The following CDK15 variants were observed in gnomAD, a reference collection of about 807,000 sequenced individuals.
CDK15 encodes the protein cyclin-dependent kinase 15.
Under a neutral mutation model 60.3 loss-of-function variants are expected in CDK15, and 62 were observed. The observed-to-expected ratio is 1.03, with a 90% CI of 0.84 to 1.27. The LOEUF (loss-of-function observed/expected upper bound fraction) is 1.27, where lower values mean the gene tolerates loss of function less well. CDK15 is among the 50% of genes most tolerant of loss of function. The pLI is 0.00. For missense variants in CDK15, 541 were observed against 527.8 expected (o/e 1.03, Z -0.25); for synonymous variants, 194 against 195.7 (o/e 0.99, Z 0.07).
At chr2:201,836,053 A>ATT (rs1559126082) in intron 8 of CDK15, among the ~76,000 whole-genome samples, 27 of 10,920 alleles carry the variant, frequency 2.5e-3, no homozygotes, top group Admixed American at 0.02. Flanking sequence ...ATATTTATAT[A>ATT]TATATTATAT....
rs1460359142 is a variant in CDK15 at position 201,807,528 on chromosome 2, C to G, written c.158C>G (p.Thr53Ser). 1.2e-6 allele frequency: 2 copies of G among 1,614,026 alleles called. No individual in the cohort carries two copies. The highest frequency in any genetic ancestry group is 8.5e-7 in the Non-Finnish European group (1 of 1,180,022). The change falls in exon 2 of 14, where the codon ACT becomes AGT. Residue 53 changes from threonine to serine, a missense_variant. By Grantham distance (58) the Thr-to-Ser change is moderately conservative. Transcript: ENST00000652192. ...TDLKEASCSM[T>S]SFHPRGLQAA... is the part of the protein sequence containing the mutation. ...CTAAAAGAAGCATCATGTTCCATGA[C>G]TTCATTTCACCCCAGGGGACTTCAA... is the stretch of plus-strand genomic sequence containing the variant.
At chr2:201,823,760 G>A in intron 6 of CDK15, 33 bp downstream of exon 6, 3 of 1,589,010 alleles carry the variant, frequency 1.9e-6, no homozygotes, top group Non-Finnish European at 2.6e-6. Flanking sequence ...CCCTCTCCTG[G>A]CTTGCCCACA....
chr2:201,860,778 C>G (rs755577715), intron 10 of CDK15: 10 of 1,352,168 alleles, frequency 7.4e-6, no homozygotes, highest in Non-Finnish European at 7.8e-6. Flanking sequence ...ATACTGACAT[C>G]GGACAGCATC....
At chr2:201,861,418 T>G in intron 10 of CDK15, 1 of 985,508 alleles carries the variant, frequency 1.0e-6, no homozygotes, top group Non-Finnish European at 1.2e-6. Context: ...CTTTCATTAA[T>G]CATGTTGTAT....
chr2:201,859,084 G>T (rs1316089502), intron 10 of CDK15, among the ~76,000 whole-genome samples: 1 of 152,184 alleles, frequency 6.6e-6, no homozygotes, highest in South Asian at 2.1e-4. Context: ...CCGGGGCTGC[G>T]CGGGCCTCCT....
rs1310797688 is a variant in CDK15, at chr2:201,845,846, AGAG to A, written c.852-1534_852-1532del. On this transcript the variant is annotated intron_variant, in intron 8 of 13. Coordinates refer to ENST00000652192, the MANE Select transcript of CDK15 (RefSeq NM_001366386.2). ...AGAGGTTTGCGGTTAAAAAAAAAAAAGAGAGAGAGAGAGAGAGAGAAGTATGGG... is the reference window on the plus strand; with the variant it reads ...AGAGGTTTGCGGTTAAAAAAAAAAAAAGAGAGAGAGAGAGAGAAGTATGGG... 2.6e-4 allele frequency among the ~76,000 whole-genome samples: 15 copies of A among 57,882 alleles called. No homozygotes were observed. In the South Asian group the frequency reaches 7.7e-3, roughly 30 times the overall value. The allele number at this position is 57,882 out of a possible 152,430, so 38.0% of individuals were successfully genotyped here.
At chr2:201,876,877 A>C (rs1048952222) in intron 11 of CDK15, among the ~76,000 whole-genome samples, 2 of 152,140 alleles carry the variant, frequency 1.3e-5, no homozygotes, top group Non-Finnish European at 2.9e-5. Flanking sequence ...GGCTCACTGC[A>C]GCCTCGACCT....
intron 10 of CDK15, among the ~76,000 whole-genome samples, chr2:201,855,319 G>A (rs544338315): frequency 2.3e-4 from 35 of 152,310 alleles, no homozygotes; most frequent in African/African-American, 7.5e-4. Flanking sequence ...TAAAAAGAAA[G>A]CTAATGCAAC....
At chr2:201,878,997 T>C (rs1190387995) in intron 11 of CDK15, among the ~76,000 whole-genome samples, 2 of 152,220 alleles carry the variant, frequency 1.3e-5, no homozygotes, top group Non-Finnish European at 1.5e-5. Context: ...GTGTGATAAT[T>C]TGATGAACAT....
At chr2:201,824,693 A>G (rs1014951141) in intron 6 of CDK15, 16 of 395,302 alleles carry the variant, frequency 4.0e-5, no homozygotes, top group African/African-American at 3.4e-4. Flanking sequence ...GGAATGGTGA[A>G]CCCAAGAGCC....
At chr2:201,815,996 A>G (rs1406368532) in intron 4 of CDK15, among the ~76,000 whole-genome samples, 1 of 152,192 alleles carries the variant, frequency 6.6e-6, no homozygotes, top group Non-Finnish European at 1.5e-5. Flanking sequence ...AATCCCTTCT[A>G]CTTTATTATG....
rs997863043 is a variant in CDK15, at chr2:201,807,870, C to G, written c.286C>G (p.Pro96Ala). Residue 96 changes from proline (P) to alanine (A), a missense_variant, in exon 3 of 14, where the codon CCT (proline) becomes GCT (alanine). Pro to Ala is a conservative substitution (Grantham distance 27, BLOSUM62 -1). Transcript: ENST00000652192. ...RQGFQWRKSL[P>A]FGAASSYLNL... ...TCCCCTAGAGCAGAGGAAGAGCCTC[C>G]CTTTTGGGGCAGCCTCATCTTACTT... The G allele has an allele frequency of 6.2e-7, 1 of 1,613,784 alleles. No individual in the cohort carries two copies. The highest frequency in any genetic ancestry group is 8.5e-7 in the Non-Finnish European group (1 of 1,179,904).
chr2:201,834,907 A>G (rs1302225424), intron 7 of CDK15, among the ~76,000 whole-genome samples: 2 of 152,204 alleles, frequency 1.3e-5, no homozygotes, highest in East Asian at 3.9e-4. Context: ...AGTTTTTCCC[A>G]ACAATAGATC....
chr2:201,832,178 T>A (rs1696785706), intron 6 of CDK15, among the ~76,000 whole-genome samples: 1 of 152,046 alleles, frequency 6.6e-6, no homozygotes, highest in Non-Finnish European at 1.5e-5. Context: ...CCCGAGTAGC[T>A]GGGATTATAA....
chr2:201,840,571 G>T (rs913100276), intron 8 of CDK15, among the ~76,000 whole-genome samples: 1 of 147,684 alleles, frequency 6.8e-6, no homozygotes, highest in African/African-American at 2.7e-5. Context: ...TGTTTTGTTT[G>T]TGTGTGTGTA....
rs1401190918 is a variant in CDK15, at chr2:201,807,933, G to A, written c.349G>A (p.Val117Ile). 2 of 1,614,054 alleles carry A rather than the reference G, an allele frequency of 1.2e-6. No homozygotes were observed. Among genetic ancestry groups the A allele is most frequent in the Non-Finnish European group, 1.7e-6 (2 of 1,179,986 alleles). The change falls in exon 3 of 14, where the codon GTT becomes ATT. Residue 117 changes from valine (V) to isoleucine (I), a missense_variant. Physicochemically the swap from Val to Ile is conservative, Grantham distance 29 (BLOSUM62 3). Coordinates refer to ENST00000652192, the MANE Select transcript of CDK15 (RefSeq NM_001366386.2). Reference sequence around the variant, plus strand: ...GCTGGGTGAAGGCTCTTATGCGACAGTTTACAAGGGGATTAGCAGGTGAGT... The same window carrying A: ...GCTGGGTGAAGGCTCTTATGCGACAATTTACAAGGGGATTAGCAGGTGAGT... ...EKLGEGSYAT[V>I]YKGISRINGQ...
chr2:201,814,881 A>G (rs1695923149), intron 4 of CDK15, among the ~76,000 whole-genome samples: 1 of 152,112 alleles, frequency 6.6e-6, no homozygotes. Flanking sequence ...CATTTGGAGT[A>G]CTATTTTCAT....
intron 6 of CDK15, among the ~76,000 whole-genome samples, chr2:201,832,509 G>A (rs1021054136): frequency 3.3e-5 from 5 of 152,190 alleles, no homozygotes; most frequent in Admixed American, 6.5e-5. Flanking sequence ...TTCGTGGCTT[G>A]GTGAATGGTA....
At chr2:201,844,330 G>T (rs897995029) in intron 8 of CDK15, among the ~76,000 whole-genome samples, 2 of 152,152 alleles carry the variant, frequency 1.3e-5, no homozygotes, top group Non-Finnish European at 2.9e-5. Flanking sequence ...GAGACCATTT[G>T]GTGGTGCCCA....
Sources: allele counts gnomAD v4.1 joint callset (sites outside exome capture counted in the v4.1 genomes callset), GRCh38; gene constraint gnomAD v4.1.1; transcripts MANE v1.5; gene names NCBI Gene and HGNC (gene_info 2026-07-23, HGNC 2026-07-21).